The following SYNE1 variants were observed in gnomAD, a reference collection of about 807,000 sequenced individuals.
SYNE1 encodes the protein spectrin repeat containing nuclear envelope protein 1.
SYNE1 carries 616 observed loss-of-function variants against 1,111.0 expected under a neutral mutation model. The observed-to-expected ratio is 0.55, with a 90% CI of 0.52 to 0.59. The LOEUF (loss-of-function observed/expected upper bound fraction) is 0.59. SYNE1 is among the 20% of genes least tolerant of loss of function. The pLI is 0.00. For synonymous variants in SYNE1, 3,855 were observed against 3,825.8 expected, an observed-to-expected ratio of 1.01 and a Z score of -0.28; for missense variants, 10,006 against 10,417.0, an observed-to-expected ratio of 0.96 and a Z score of 1.72.
intron 30 of SYNE1, among the ~76,000 whole-genome samples, 183 bp downstream of exon 30, chr6:152,444,228 T>G (rs1307814470): frequency 6.6e-6 from 1 of 152,216 alleles, no homozygotes; most frequent in Non-Finnish European, 1.5e-5. Flanking sequence ...TATCCTGAAA[T>G]GTTTAATATT....
intron 129 of SYNE1, 42 bp downstream of exon 129, chr6:152,180,094 C>T (rs1172243489): frequency 6.2e-7 from 1 of 1,609,258 alleles, no homozygotes; most frequent in African/African-American, 1.3e-5. Flanking sequence ...TACACATAAG[C>T]CTTATGAAGA....
At chr6:152,367,641 A>G in intron 61 of SYNE1, 1 of 483,440 alleles carries the variant, frequency 2.1e-6, no homozygotes, top group Non-Finnish European at 3.8e-6. Context: ...ATTATTTTAA[A>G]TCAGTAAAAT....
chr6:152,314,048 T>C (rs2095635371), intron 87 of SYNE1, among the ~76,000 whole-genome samples: 2 of 152,208 alleles, frequency 1.3e-5, no homozygotes, highest in South Asian at 2.1e-4. Context: ...CTTGACTTTG[T>C]CTTCTCCTCC....
Position 152,390,889 on chromosome 6 carries a change from T to C in SYNE1, c.8004+388A>G, listed in dbSNP as rs549439355. Among the ~76,000 whole-genome samples the C allele has an allele frequency of 4.6e-5, 7 of 152,274 alleles. No individual in the cohort carries two copies. In the South Asian group the frequency reaches 1.5e-3, roughly 32 times the overall value. On this transcript the variant is annotated intron_variant, in intron 52 of 145. Transcript: ENST00000367255. ...AATATACCCTTGATGGCTTTAATCA[T>C]GGCCCCTACACACGGACTGTATTGA...
chr6:152,424,564 T>G (rs534370221), intron 39 of SYNE1, among the ~76,000 whole-genome samples: 16 of 152,334 alleles, frequency 1.1e-4, no homozygotes, highest in Admixed American at 3.3e-4. Flanking sequence ...GTCAATTATT[T>G]GGGGTTAGGT....
chr6:152,620,406 G>A (rs1163002372), intron 3 of SYNE1, among the ~76,000 whole-genome samples: 5 of 152,238 alleles, frequency 3.3e-5, no homozygotes, highest in African/African-American at 1.2e-4. Flanking sequence ...GTTTTCTCCT[G>A]CTGTGTCTCC....
rs538391191 is a variant in SYNE1, at chr6:152,406,770, A to G, written c.6723+244T>C. On this transcript the variant is annotated intron_variant, in intron 45 of 145. Transcript: ENST00000367255. ...GTAATCCCAGCTACTCAGGAGGCTG[A>G]GGCAGGAGAATCGCTTGAACCCAGG... Among the ~76,000 whole-genome samples, 59 of 152,220 alleles carry G rather than the reference A, an allele frequency of 3.9e-4. 1 individual carries two copies. The highest frequency in any genetic ancestry group is 8.2e-4 in the Non-Finnish European group (56 of 67,996).
intron 48 of SYNE1, among the ~76,000 whole-genome samples, chr6:152,399,244 T>C (rs1043720845): frequency 1.9e-4 from 29 of 152,090 alleles, no homozygotes; most frequent in African/African-American, 6.8e-4. Context: ...AACATCTAAG[T>C]TTATTGTGTC....
chr6:152,281,425 C>G (rs1414990307), intron 97 of SYNE1, among the ~76,000 whole-genome samples: 2 of 152,156 alleles, frequency 1.3e-5, no homozygotes, highest in Admixed American at 6.5e-5. Context: ...GGATTAGAAC[C>G]AAAATTGTAA....
chr6:152,259,832 C>A (rs944654528), intron 101 of SYNE1, among the ~76,000 whole-genome samples: 2 of 151,908 alleles, frequency 1.3e-5, no homozygotes, highest in African/African-American at 2.4e-5. Context: ...AAATGACCAG[C>A]GATTGCTGAA....
chr6:152,301,926 T>C lies in SYNE1; in HGVS notation c.17484A>G (p.Thr5828=). 1.2e-6 allele frequency: 2 copies of C among 1,614,164 alleles called. No homozygotes were observed. Among genetic ancestry groups the C allele is most frequent in the Non-Finnish European group, 1.7e-6 (2 of 1,180,032 alleles). ...GGAGGAGCTCCCCATCCAGGTCCTCTGTCCCTTCCGCCAGCCCCTCGACCT... is the reference window on the plus strand; with the variant it reads ...GGAGGAGCTCCCCATCCAGGTCCTCCGTCCCTTCCGCCAGCCCCTCGACCT... ...VTEVEGLAEG[T]EDLDGELLPT... is the part of the protein sequence containing the mutation. The change falls in exon 92 of 146, where the codon ACA becomes ACG. Residue 5828 remains threonine, a synonymous_variant. Coordinates refer to ENST00000367255, the MANE Select transcript of SYNE1 (RefSeq NM_182961.4).
chr6:152,143,678 A>G lies in SYNE1; in HGVS notation c.25064T>C (p.Ile8355Thr), dbSNP rs2058928902. ...CCCCGTGGGAGTTTTGCTGCGAATG[A>G]TATTTTCGGTTTGCTGTATCTGAAA... is the stretch of plus-strand genomic sequence containing the variant. ...SRFQIQQTENIIRSKTPTGPE... is the reference protein window; with the variant it reads ...SRFQIQQTENTIRSKTPTGPE... Residue 8355 changes from isoleucine (I) to threonine (T), a missense_variant, in exon 138 of 146, where the codon ATC (isoleucine) becomes ACC (threonine). This residue lies in a region of SYNE1 where 761 missense variants were observed against 795.5 expected (regional missense o/e 0.96). Coordinates refer to ENST00000367255, the MANE Select transcript of SYNE1 (RefSeq NM_182961.4). 1 of 1,614,118 alleles carries G rather than the reference A, an allele frequency of 6.2e-7. No homozygotes were observed. The highest frequency in any genetic ancestry group is 1.3e-5 in the African/African-American group (1 of 75,020).
rs2098811517 is a variant in SYNE1, at chr6:152,472,416, A to G, written c.1351-3T>C. 6.2e-7 allele frequency: 1 copy of G among 1,612,162 alleles called. No homozygotes were observed. The highest frequency in any genetic ancestry group is 8.5e-7 in the Non-Finnish European group (1 of 1,178,476). On this transcript the variant is annotated splice_polypyrimidine_tract_variant and splice_region_variant and intron_variant, in intron 14 of 145. Coordinates refer to ENST00000367255, the MANE Select transcript of SYNE1 (RefSeq NM_182961.4). ...GCATCCGTGTTTTGAAGCAGATCCT[A>G]AGATACAGTTTAAAAAAAAATAAAA...
At position 152,516,742 on chromosome 6, in the gene SYNE1, C is replaced by CTAAT. The variant is rs549385794; in HGVS notation, c.309+3713_309+3716dup. On this transcript the variant is annotated intron_variant, in intron 6 of 145. Coordinates refer to ENST00000367255, the MANE Select transcript of SYNE1 (RefSeq NM_182961.4). ...CATAGGCGCATGCCACCACATCTGGCTAATTTGTTTGTTTGTTTGTTTGTT... is the reference window on the plus strand; with the variant it reads ...CATAGGCGCATGCCACCACATCTGGCTAATTAATTTGTTTGTTTGTTTGTTTGTT... Among the ~76,000 whole-genome samples, 69 of 151,198 alleles carry CTAAT rather than the reference C, an allele frequency of 4.6e-4. No individual in the cohort carries two copies. In the South Asian group the frequency reaches 6.4e-3, roughly 14 times the overall value.
At chr6:152,450,534 T>C in intron 27 of SYNE1, 91 bp downstream of exon 27, 1 of 1,157,264 alleles carries the variant, frequency 8.6e-7, no homozygotes, top group Non-Finnish European at 1.3e-6. Context: ...GCAAGAAATA[T>C]GAAATAAGTT....
intron 46 of SYNE1, chr6:152,402,501 C>T (rs1212304689): frequency 6.6e-6 from 1 of 152,132 alleles, no homozygotes; most frequent in East Asian, 1.9e-4. Flanking sequence ...GGTGCAGGAC[C>T]CCACAAGCCA....
intron 127 of SYNE1, among the ~76,000 whole-genome samples, chr6:152,194,631 T>C (rs1276777996): frequency 6.6e-6 from 1 of 152,202 alleles, no homozygotes; most frequent in African/African-American, 2.4e-5. Context: ...TGAAGGCCAA[T>C]AAGTCTTAGA....
intron 11 of SYNE1, among the ~76,000 whole-genome samples, chr6:152,489,933 C>T (rs915121386): frequency 2.6e-5 from 4 of 152,186 alleles, no homozygotes; most frequent in African/African-American, 9.6e-5. Flanking sequence ...GAATCTGATG[C>T]TGCTGGTGAA....
At chr6:152,526,854 A>G (rs2099166013) in intron 4 of SYNE1, among the ~76,000 whole-genome samples, 1 of 152,204 alleles carries the variant, frequency 6.6e-6, no homozygotes, top group Non-Finnish European at 1.5e-5. Flanking sequence ...GCTGCTGGAA[A>G]AATAAGCCAA....
Sources: gnomAD v4.1 joint callset for allele counts (sites outside exome capture counted in the v4.1 genomes callset) on GRCh38, gnomAD v4.1.1 for gene constraint, gnomAD v4.1.1 regional missense constraint, MANE v1.5 for transcripts, NCBI Gene and HGNC (gene_info 2026-07-23, HGNC 2026-07-21) for gene names.